Variants in NOS1 observed in about 807,000 individuals in gnomAD.
NOS1 encodes NOS type I.
NOS1 carries 51 observed loss-of-function variants against 164.5 expected under a neutral mutation model. The ratio of observed to expected loss-of-function variants is 0.31; its 90% confidence interval spans 0.25 to 0.39. NOS1 has a LOEUF of 0.39. Ranked by LOEUF, NOS1 falls within the 10% of genes least tolerant of loss-of-function variation. The pLI, the probability that NOS1 is intolerant of heterozygous loss-of-function variation, is 1.00. For synonymous variants in NOS1, 719 were observed against 745.8 expected, an observed-to-expected ratio of 0.96 and a Z score of 0.59; for missense variants, 1,362 against 1,885.6, an observed-to-expected ratio of 0.72 and a Z score of 5.14.
At chr12:117,223,416 C>T (rs576563638) in intron 25 of NOS1, among the ~76,000 whole-genome samples, 411 of 151,682 alleles carry the variant, frequency 2.7e-3, no homozygotes, top group Non-Finnish European at 4.4e-3. Flanking sequence ...TGCCTGCAAC[C>T]GCGCCTGGCT....
At chr12:117,227,741 C>T in intron 22 of NOS1, 100 bp from the exon 23 acceptor site, 1 of 1,092,820 alleles carries the variant, frequency 9.2e-7, no homozygotes, top group East Asian at 2.5e-5. Context: ...ATAAAAGTAA[C>T]AGTTGGCAGG....
intron 2 of NOS1, among the ~76,000 whole-genome samples, chr12:117,314,809 G>A (rs2136058450): frequency 6.6e-6 from 1 of 152,250 alleles, no homozygotes; most frequent in Admixed American, 6.5e-5. Context: ...GTTTCACCAT[G>A]TTGGCCAGGC....
chr12:117,305,115 G>C, intron 3 of NOS1: 1 of 969,290 alleles, frequency 1.0e-6, no homozygotes, highest in Non-Finnish European at 1.2e-6. Context: ...ACAATGCTAG[G>C]CCCCCTGTGG....
intron 1 of NOS1, among the ~76,000 whole-genome samples, chr12:117,335,756 GA>G: frequency 6.6e-6 from 1 of 151,098 alleles, no homozygotes; most frequent in Non-Finnish European, 1.5e-5. Context: ...GAGAGAGAGA[GA>G]GAGAGAGAGA....
chr12:117,312,345 A>G (rs528182024), intron 2 of NOS1, among the ~76,000 whole-genome samples: 2 of 152,334 alleles, frequency 1.3e-5, no homozygotes, highest in East Asian at 3.9e-4. Flanking sequence ...CTGGGATTAC[A>G]GGCGTGAGCC....
chr12:117,351,669 C>T (rs561859079), intron 1 of NOS1, among the ~76,000 whole-genome samples: 1 of 152,322 alleles, frequency 6.6e-6, no homozygotes, highest in Admixed American at 6.5e-5. Context: ...TGCCAAGAAA[C>T]TGATGGAGTA....
rs1208937144 is a variant in NOS1, at chr12:117,330,408, C to T, written c.662G>A (p.Arg221Lys). 6.2e-7 allele frequency: 1 copy of T among 1,614,234 alleles called. No individual in the cohort carries two copies. Among genetic ancestry groups the T allele is most frequent in the Non-Finnish European group, 8.5e-7 (1 of 1,180,044 alleles). ...GGCAGGTGCCCCTCCCTTGACCCCT[C>T]TGCTCCCACTGGTGAGAAGGCTCAG... ...PVLSLLTSGS[R>K]GVKGGAPAKA... The change falls in exon 2 of 29, where the codon AGA becomes AAA. Residue 221 changes from arginine to lysine, a missense_variant. Transcript: ENST00000317775. The surrounding 1 kb of genome is among the most constrained non-coding windows in gnomAD (Gnocchi z 4.6).
At chr12:117,350,478 C>T (rs1449018632) in intron 1 of NOS1, among the ~76,000 whole-genome samples, 2 of 152,192 alleles carry the variant, frequency 1.3e-5, no homozygotes, top group African/African-American at 4.8e-5. Context: ...GAACTGTTCA[C>T]TTGATTTTAT....
chr12:117,266,503 T>C (rs937494787), intron 11 of NOS1, among the ~76,000 whole-genome samples: 2 of 152,160 alleles, frequency 1.3e-5, no homozygotes, highest in Admixed American at 1.3e-4. Flanking sequence ...TGCAAGTATC[T>C]TTTTTGTATA....
At chr12:117,318,401 T>C (rs559785994) in intron 2 of NOS1, among the ~76,000 whole-genome samples, 1 of 152,290 alleles carries the variant, frequency 6.6e-6, no homozygotes, top group African/African-American at 2.4e-5. Flanking sequence ...CATCCTCCTA[T>C]AAGGCCAGGT....
chr12:117,228,996 T>G (rs1246724495), intron 22 of NOS1, among the ~76,000 whole-genome samples: 1 of 152,178 alleles, frequency 6.6e-6, no homozygotes, highest in Non-Finnish European at 1.5e-5. Flanking sequence ...TTAGCCAGGA[T>G]GGTCTCAATC....
chr12:117,300,670 A>G (rs996009738), intron 3 of NOS1, among the ~76,000 whole-genome samples: 8 of 152,110 alleles, frequency 5.3e-5, no homozygotes, highest in African/African-American at 1.7e-4. Context: ...GATCACCCTA[A>G]GAAGTGGGGC....
At chr12:117,242,562 G>C (rs920436140) in intron 20 of NOS1, 65 bp downstream of exon 20, 5 of 1,317,724 alleles carry the variant, frequency 3.8e-6, no homozygotes, top group South Asian at 1.2e-5. Flanking sequence ...CACAGGGCTT[G>C]TCCTTCATCG....
In NOS1 at chr12:117,243,349, C is replaced by A; in HGVS notation, c.2910G>T (p.Lys970Asn). 1 of 1,614,166 alleles carries A rather than the reference C, an allele frequency of 6.2e-7. No individual in the cohort carries two copies. Among genetic ancestry groups the A allele is most frequent in the Non-Finnish European group, 8.5e-7 (1 of 1,180,036 alleles). The change falls in exon 19 of 29, where the codon AAG becomes AAT. Residue 970 changes from lysine (K) to asparagine (N), a missense_variant. This residue lies in a region of NOS1 where 737 missense variants were observed against 1,030.3 expected (regional missense o/e 0.72). Transcript: ENST00000317775. This position sits in a 1 kb window ranked among gnomAD's most constrained non-coding sequence, Gnocchi z 4.3. ...CAAAGGTGAGGCGGAACTTGTTTCTCTTCCAGCTGCGATCATTGCTGATGA... is the reference window on the plus strand; with the variant it reads ...CAAAGGTGAGGCGGAACTTGTTTCTATTCCAGCTGCGATCATTGCTGATGA... ...NSLISNDRSW[K>N]RNKFRLTFVA...
chr12:117,297,480 C>T (rs931052582), intron 3 of NOS1, among the ~76,000 whole-genome samples: 3 of 152,096 alleles, frequency 2.0e-5, no homozygotes, highest in Non-Finnish European at 4.4e-5. Context: ...CAACCTCTGC[C>T]TCATGGGTTC....
At chr12:117,245,093 A>C (rs568847022) in intron 18 of NOS1, among the ~76,000 whole-genome samples, 1 of 152,264 alleles carries the variant, frequency 6.6e-6, no homozygotes, top group African/African-American at 2.4e-5. Flanking sequence ...TCGCCTCCCC[A>C]CCTGGAAATC....
chr12:117,259,859 C>A (rs1389884283), intron 14 of NOS1, among the ~76,000 whole-genome samples: 1 of 151,802 alleles, frequency 6.6e-6, no homozygotes, highest in Non-Finnish European at 1.5e-5. Flanking sequence ...GTGGCTCACG[C>A]CTGTAATCCC....
chr12:117,280,607 G>A, intron 8 of NOS1, 118 bp downstream of exon 8: 2 of 1,032,114 alleles, frequency 1.9e-6, no homozygotes, highest in Non-Finnish European at 2.8e-6. Flanking sequence ...GTTTGGAGAA[G>A]AGTAAATGAC....
chr12:117,238,054 A>C (rs893049353), intron 20 of NOS1, among the ~76,000 whole-genome samples: 2 of 152,114 alleles, frequency 1.3e-5, no homozygotes, highest in Non-Finnish European at 2.9e-5. Context: ...GGCAGAGAAA[A>C]GGTGGCATGT....
Sources: allele counts gnomAD v4.1 joint callset (sites outside exome capture counted in the v4.1 genomes callset), GRCh38; gene constraint gnomAD v4.1.1; regional missense constraint gnomAD v4.1.1; non-coding constraint Gnocchi (gnomAD v3.1); transcripts MANE v1.5; gene names NCBI Gene and HGNC (gene_info 2026-07-23, HGNC 2026-07-21).